PRKN: variants seen among roughly 807,000 people sequenced by gnomAD.
The protein encoded by PRKN is parkin RBR E3 ubiquitin protein ligase.
In PRKN, 56 loss-of-function variants were observed where a neutral mutation model predicts 59.5. That is an observed-to-expected ratio of 0.94 (90% CI 0.76 to 1.18). The LOEUF (loss-of-function observed/expected upper bound fraction) is 1.18, where lower values mean the gene tolerates loss of function less well. PRKN is among the 50% of genes most tolerant of loss of function. PRKN has a pLI of 0.00. For synonymous variants in PRKN, 250 were observed against 222.1 expected, an observed-to-expected ratio of 1.13 and a Z score of -1.12; for missense variants, 657 against 596.4, an observed-to-expected ratio of 1.10 and a Z score of -1.06.
intron 9 of PRKN, among the ~76,000 whole-genome samples, chr6:161,387,531 A>T (rs1786313589): frequency 6.6e-6 from 1 of 152,270 alleles, no homozygotes; most frequent in East Asian, 1.9e-4. Context: ...TAATACACAC[A>T]GTAATGCAAA....
chr6:161,471,580 GA>G lies in PRKN; in HGVS notation c.1083+77273del. Among the ~76,000 whole-genome samples the G allele has an allele frequency of 1.3e-5, 2 of 152,288 alleles. 1 individual carries two copies. The highest frequency in any genetic ancestry group is 3.9e-4 in the East Asian group (2 of 5,184). On this transcript the variant is annotated intron_variant, in intron 9 of 11. Coordinates refer to ENST00000366898, the MANE Select transcript of PRKN (RefSeq NM_004562.3). This position sits in a 1 kb window ranked among gnomAD's most constrained non-coding sequence, Gnocchi z 4.5. The stretch of plus-strand genomic sequence containing the variant: ...AACAACTTGAAAATAGACCTTGACA[GA>G]ATGATGACCTAATTTCTATATGCTC...
intron 7 of PRKN, among the ~76,000 whole-genome samples, chr6:161,637,842 T>C (rs906787081): frequency 5.9e-5 from 9 of 152,122 alleles, no homozygotes; most frequent in African/African-American, 2.2e-4. Flanking sequence ...AGAGGCAAAA[T>C]TTGGGCGTGC....
intron 1 of PRKN, among the ~76,000 whole-genome samples, chr6:162,575,164 A>G (rs9458610): frequency 0.31 from 46,787 of 151,970 alleles, 7,648 homozygotes; most frequent in East Asian, 0.49. Context: ...ACGTCCCTCA[A>G]ATTCCAGGCC....
At chr6:162,134,933 T>C (rs1049666341) in intron 4 of PRKN, among the ~76,000 whole-genome samples, 1 of 152,164 alleles carries the variant, frequency 6.6e-6, no homozygotes, top group East Asian at 1.9e-4. Context: ...CTGTTCATAC[T>C]GAAACTATGA....
At chr6:162,705,788 C>G (rs1388842568) in intron 1 of PRKN, among the ~76,000 whole-genome samples, 1 of 152,124 alleles carries the variant, frequency 6.6e-6, no homozygotes, top group African/African-American at 2.4e-5. Context: ...AGGTAATTAT[C>G]AGGGCTAGAG....
At chr6:162,141,438 A>G (rs76047535) in intron 4 of PRKN, among the ~76,000 whole-genome samples, 2,160 of 152,304 alleles carry the variant, frequency 0.014, 51 homozygotes, top group African/African-American at 0.05. Context: ...TCAACTGTGC[A>G]ATCTACAGTT....
intron 9 of PRKN, among the ~76,000 whole-genome samples, chr6:161,540,583 T>G (rs1779581630): frequency 6.6e-6 from 1 of 152,194 alleles, no homozygotes. Context: ...GCTCTGATTT[T>G]TGGGTATCAC....
chr6:161,477,389 T>C (rs931760420), intron 9 of PRKN, among the ~76,000 whole-genome samples: 6 of 151,706 alleles, frequency 4.0e-5, no homozygotes, highest in Non-Finnish European at 8.8e-5. Context: ...TGGTGGCACA[T>C]GCCTATAATC....
intron 4 of PRKN, among the ~76,000 whole-genome samples, chr6:162,088,220 A>G (rs1007391158): frequency 2.0e-5 from 3 of 152,180 alleles, no homozygotes; most frequent in African/African-American, 7.2e-5. Flanking sequence ...AGTAAGATAA[A>G]TGTCCCTGAA....
chr6:162,161,419 G>A (rs1260419135), intron 4 of PRKN, among the ~76,000 whole-genome samples: 2 of 152,156 alleles, frequency 1.3e-5, no homozygotes, highest in African/African-American at 2.4e-5. Context: ...ACTTTCCACA[G>A]TTTCAGTTAC....
rs564853503 is a variant in PRKN, at chr6:162,601,201, C to T, written c.7+126461G>A. 5.9e-5 allele frequency among the ~76,000 whole-genome samples: 9 copies of T among 152,130 alleles called. No homozygotes were observed. In the South Asian group the frequency reaches 6.2e-4, roughly 11 times the overall value. Reference sequence around the variant, plus strand: ...GCTTGGGCCTCTCTTCTTCTAAAGCCGCCAGTCCCATCATAGTGGCCCCAC... The same window carrying T: ...GCTTGGGCCTCTCTTCTTCTAAAGCTGCCAGTCCCATCATAGTGGCCCCAC... On this transcript the variant is annotated intron_variant, in intron 1 of 11. Transcript: ENST00000366898.
At chr6:162,688,484 A>C (rs1178712796) in intron 1 of PRKN, among the ~76,000 whole-genome samples, 1 of 152,236 alleles carries the variant, frequency 6.6e-6, no homozygotes, top group Non-Finnish European at 1.5e-5. Flanking sequence ...GTATTAGATA[A>C]CTAACAAAAT....
In PRKN at chr6:162,649,814, G is replaced by A. The variant is rs550646000; in HGVS notation, c.7+77848C>T. 2.6e-5 allele frequency among the ~76,000 whole-genome samples: 4 copies of A among 152,320 alleles called. No homozygotes were observed. The East Asian group carries it at 5.8e-4, about 22-fold the overall frequency. On this transcript the variant is annotated intron_variant, in intron 1 of 11. Coordinates refer to ENST00000366898, the MANE Select transcript of PRKN (RefSeq NM_004562.3). ...AAGTGCATGTAAAGTAAGTGATTAA[G>A]CCGAGCAGGGCTGGGGATTAAGTGG...
At chr6:162,519,173 AAAAC>A (rs1176209919) in intron 1 of PRKN, among the ~76,000 whole-genome samples, 12 of 152,274 alleles carry the variant, frequency 7.9e-5, no homozygotes, top group African/African-American at 2.4e-4. Context: ...TCCGTCTCAA[AAAAC>A]AAACAAACAA....
intron 1 of PRKN, among the ~76,000 whole-genome samples, chr6:162,514,346 CAG>C (rs1176476096): frequency 2.5e-4 from 38 of 151,434 alleles, no homozygotes; most frequent in Admixed American, 2.0e-3. Context: ...TTTTCAAAGA[CAG>C]ATAATAAGGT....
At chr6:161,997,204 T>C (rs1346680951) in intron 5 of PRKN, among the ~76,000 whole-genome samples, 1 of 152,152 alleles carries the variant, frequency 6.6e-6, no homozygotes, top group African/African-American at 2.4e-5. Flanking sequence ...TAGATCTGTA[T>C]ACTCATTAAA....
intron 7 of PRKN, among the ~76,000 whole-genome samples, chr6:161,691,040 T>A (rs1268599836): frequency 6.9e-6 from 1 of 145,300 alleles, no homozygotes; most frequent in Non-Finnish European, 1.5e-5. Context: ...CTCCTTTCCT[T>A]TCCATCCATC....
chr6:162,358,676 A>C (rs1415230981), intron 2 of PRKN, among the ~76,000 whole-genome samples: 1 of 152,126 alleles, frequency 6.6e-6, no homozygotes, highest in Non-Finnish European at 1.5e-5. Context: ...CAGTTCTCTA[A>C]ATCTAGAGTG....
At chr6:162,499,892 A>C (rs1436406008) in intron 1 of PRKN, among the ~76,000 whole-genome samples, 2 of 152,182 alleles carry the variant, frequency 1.3e-5, no homozygotes, top group Admixed American at 1.3e-4. Context: ...CTAGGTTTTA[A>C]TAAAAAGAAA....
Sources: gnomAD v4.1 joint callset for allele counts (sites outside exome capture counted in the v4.1 genomes callset) on GRCh38, gnomAD v4.1.1 for gene constraint, Gnocchi (gnomAD v3.1) non-coding constraint, MANE v1.5 for transcripts, NCBI Gene and HGNC (gene_info 2026-07-23, HGNC 2026-07-21) for gene names.